SOX5: variants seen among roughly 807,000 people sequenced by gnomAD.
SOX5 encodes transcription factor SOX-5.
SOX5 carries 9 observed loss-of-function variants against 92.0 expected under a neutral mutation model. The observed-to-expected ratio is 0.10, with a 90% confidence interval of 0.06 to 0.17. The LOEUF (loss-of-function observed/expected upper bound fraction) is 0.17, where lower values mean the gene tolerates loss of function less well. Ranked by LOEUF, SOX5 falls within the 10% of genes least tolerant of loss-of-function variation. The probability of loss-of-function intolerance (pLI) is 1.00; values close to 1 mark genes in which losing one functional copy is unlikely to be tolerated. For synonymous variants in SOX5, 344 were observed against 336.3 expected, an observed-to-expected ratio of 1.02 and a Z score of -0.25; for missense variants, 642 against 944.5, an observed-to-expected ratio of 0.68 and a Z score of 4.20.
intron 8 of SOX5, among the ~76,000 whole-genome samples, chr12:23,632,908 T>A (rs2078736770): frequency 6.6e-6 from 1 of 152,150 alleles, no homozygotes. Flanking sequence ...CTTGGAATTT[T>A]GAGCCTTTAT....
chr12:24,086,784 C>A (rs567947807), intron 4 of SOX5, among the ~76,000 whole-genome samples: 1 of 152,076 alleles, frequency 6.6e-6, no homozygotes, highest in Admixed American at 6.6e-5. Context: ...TTAGTCGTTA[C>A]ATATAAACCC....
intron 1 of SOX5, among the ~76,000 whole-genome samples, chr12:24,385,926 C>CAAAAAAAAAAAA (rs35813329): frequency 7.1e-4 from 52 of 73,372 alleles, no homozygotes; most frequent in Admixed American, 1.7e-3. Flanking sequence ...GACCTTGTCA[C>CAAAAAAAAAAAA]AAAAAAAAAA....
chr12:24,114,971 GAAGT>G (rs781087964), intron 4 of SOX5, among the ~76,000 whole-genome samples: 34 of 152,010 alleles, frequency 2.2e-4, no homozygotes, highest in Admixed American at 1.5e-3. Flanking sequence ...CTATGAAAAT[GAAGT>G]ATCAAAAAAG....
intron 4 of SOX5, among the ~76,000 whole-genome samples, chr12:24,050,345 C>A (rs1055306679): frequency 2.6e-5 from 4 of 152,096 alleles, no homozygotes; most frequent in African/African-American, 9.7e-5. Context: ...ATACATTACT[C>A]AGAGGATCAT....
At chr12:24,484,394 ATC>A (rs1230933530) in intron 1 of SOX5, among the ~76,000 whole-genome samples, 1 of 152,238 alleles carries the variant, frequency 6.6e-6, no homozygotes, top group African/African-American at 2.4e-5. Context: ...ATTGGAGATA[ATC>A]TTGAATCACC....
chr12:24,066,800 G>T (rs1320394066), intron 4 of SOX5, among the ~76,000 whole-genome samples: 1 of 152,180 alleles, frequency 6.6e-6, no homozygotes, highest in Non-Finnish European at 1.5e-5. Context: ...GGGGGAAAAG[G>T]TGAAGAGTAA....
intron 4 of SOX5, among the ~76,000 whole-genome samples, chr12:23,981,848 T>A (rs898493634): frequency 6.6e-6 from 1 of 152,204 alleles, no homozygotes; most frequent in Non-Finnish European, 1.5e-5. Flanking sequence ...ATTCCTTGTT[T>A]TCTAGTAGCC....
At chr12:24,025,966 C>T (rs1023984537) in intron 4 of SOX5, among the ~76,000 whole-genome samples, 2 of 152,064 alleles carry the variant, frequency 1.3e-5, no homozygotes, top group African/African-American at 4.8e-5. Context: ...CACACCCCTA[C>T]AATAGGTTAG....
chr12:23,608,829 T>A (rs1379949507), intron 8 of SOX5, among the ~76,000 whole-genome samples: 2 of 152,152 alleles, frequency 1.3e-5, no homozygotes, highest in Admixed American at 1.3e-4. Flanking sequence ...TATTAATGGA[T>A]TAAATACACA....
At position 23,543,276 on chromosome 12, in the gene SOX5, T is replaced by C; in HGVS notation, c.1706A>G (p.Asp569Gly). Reference sequence around the variant, plus strand: ...GGCTTGAAGGATCTTTCTCCGTTCATCTTTAGCCCACACCATGAAGGCATT... The same window carrying C: ...GGCTTGAAGGATCTTTCTCCGTTCACCTTTAGCCCACACCATGAAGGCATT... ...PMNAFMVWAK[D>G]ERRKILQAFP... is the part of the protein sequence containing the mutation. The change falls in exon 13 of 15, where the codon GAT becomes GGT. Residue 569 changes from aspartate (D) to glycine (G), a missense_variant. Transcript: ENST00000451604. 2 of 1,614,104 alleles carry C rather than the reference T, an allele frequency of 1.2e-6. No homozygotes were observed. The highest frequency in any genetic ancestry group is 2.2e-5 in the East Asian group (1 of 44,864).
intron 7 of SOX5, among the ~76,000 whole-genome samples, chr12:23,645,277 G>A (rs530999266): frequency 5.8e-4 from 89 of 152,200 alleles, no homozygotes; most frequent in Non-Finnish European, 1.0e-3. Flanking sequence ...TTTCGGATAG[G>A]GTGAAATGCA....
intron 1 of SOX5, among the ~76,000 whole-genome samples, chr12:24,549,781 C>T (rs1952972838): frequency 6.6e-6 from 1 of 152,150 alleles, no homozygotes; most frequent in African/African-American, 2.4e-5. Context: ...ATCTTAGTCG[C>T]ATCCATGTGT....
chr12:23,675,498 T>G (rs1462641397), intron 6 of SOX5, among the ~76,000 whole-genome samples: 1 of 152,088 alleles, frequency 6.6e-6, no homozygotes, highest in Non-Finnish European at 1.5e-5. Context: ...GATAACTACA[T>G]GCAAAAGACT....
intron 8 of SOX5, among the ~76,000 whole-genome samples, chr12:23,619,413 A>G (rs2076929643): frequency 6.6e-6 from 1 of 152,188 alleles, no homozygotes; most frequent in Non-Finnish European, 1.5e-5. Flanking sequence ...CATTGAAGCC[A>G]AGAAAGAGTA....
At chr12:24,024,494 A>G (rs1211397306) in intron 4 of SOX5, among the ~76,000 whole-genome samples, 1 of 152,074 alleles carries the variant, frequency 6.6e-6, no homozygotes, top group Non-Finnish European at 1.5e-5. Flanking sequence ...ACAGCTATAA[A>G]AAGTAAGTAG....
At chr12:23,979,513 C>A (rs936804856) in intron 4 of SOX5, among the ~76,000 whole-genome samples, 1 of 151,516 alleles carries the variant, frequency 6.6e-6, no homozygotes, top group Non-Finnish European at 1.5e-5. Flanking sequence ...AGTGAGCCAC[C>A]GCACCTGGCC....
chr12:24,525,991 C>T (rs1950674302), intron 1 of SOX5, among the ~76,000 whole-genome samples: 1 of 152,108 alleles, frequency 6.6e-6, no homozygotes, highest in African/African-American at 2.4e-5. Flanking sequence ...CCACCTCAGC[C>T]TCCAAAGTAG....
At chr12:23,887,841 C>A (rs541971849) in intron 2 of SOX5, among the ~76,000 whole-genome samples, 1 of 150,762 alleles carries the variant, frequency 6.6e-6, no homozygotes, top group East Asian at 2.0e-4. Context: ...GGAAAAAAAT[C>A]TTTATGGCAA....
At chr12:23,774,441 G>A (rs2095036594) in intron 3 of SOX5, among the ~76,000 whole-genome samples, 1 of 152,144 alleles carries the variant, frequency 6.6e-6, no homozygotes, top group East Asian at 1.9e-4. Context: ...GACTGCCATT[G>A]AAAAATAATA....
Sources: allele counts gnomAD v4.1 joint callset (sites outside exome capture counted in the v4.1 genomes callset), GRCh38; gene constraint gnomAD v4.1.1; transcripts MANE v1.5; gene names NCBI Gene and HGNC (gene_info 2026-07-23, HGNC 2026-07-21).